Variants in CTNNA3 observed in about 807,000 individuals in gnomAD.
The protein encoded by CTNNA3 is catenin alpha-3.
In CTNNA3, 76 loss-of-function variants were observed where a neutral mutation model predicts 95.7. The observed-to-expected ratio is 0.79, with a 90% CI of 0.66 to 0.96. The LOEUF (loss-of-function observed/expected upper bound fraction) is 0.96. CTNNA3 is among the 40% of genes least tolerant of loss of function. CTNNA3 has a pLI of 0.00. For missense variants in CTNNA3, 1,191 were observed against 1,089.8 expected (o/e 1.09, Z -1.31); for synonymous variants, 431 against 374.4 (o/e 1.15, Z -1.74).
chr10:67,653,293 G>A (rs112697485), intron 1 of CTNNA3, among the ~76,000 whole-genome samples: 2 of 152,132 alleles, frequency 1.3e-5, no homozygotes, highest in African/African-American at 2.4e-5. Flanking sequence ...TGAGAAATCC[G>A]CCCCCAAAGT....
intron 16 of CTNNA3, among the ~76,000 whole-genome samples, chr10:65,976,022 AG>A (rs2078202656): frequency 6.6e-6 from 1 of 152,142 alleles, no homozygotes; most frequent in Non-Finnish European, 1.5e-5. Context: ...TCATGAGGTA[AG>A]TGGAATCATT....
intron 15 of CTNNA3, among the ~76,000 whole-genome samples, chr10:66,021,185 G>A (rs34200291): frequency 0.078 from 11,818 of 152,128 alleles, 586 homozygotes; most frequent in Non-Finnish European, 0.12. Context: ...TGCACACCCC[G>A]AAACATCGAA....
At chr10:67,038,473 G>A (rs1213413798) in intron 7 of CTNNA3, among the ~76,000 whole-genome samples, 1 of 152,048 alleles carries the variant, frequency 6.6e-6, no homozygotes, top group African/African-American at 2.4e-5. Flanking sequence ...AGGCTACTGT[G>A]TGAGCTCAGG....
intron 14 of CTNNA3, among the ~76,000 whole-genome samples, chr10:66,101,118 G>A (rs1467504899): frequency 6.6e-6 from 1 of 152,156 alleles, no homozygotes; most frequent in Non-Finnish European, 1.5e-5. Context: ...GAAAGCAAGA[G>A]CAAAGCTTAC....
intron 17 of CTNNA3, among the ~76,000 whole-genome samples, chr10:65,929,239 T>G (rs186088718): frequency 1.5e-3 from 222 of 151,646 alleles, no homozygotes; most frequent in Non-Finnish European, 1.2e-3. Flanking sequence ...TTTTCCATGG[T>G]GTATATGTGC....
At chr10:67,072,731 C>T (rs1341501981) in intron 7 of CTNNA3, among the ~76,000 whole-genome samples, 1 of 152,130 alleles carries the variant, frequency 6.6e-6, no homozygotes, top group African/African-American at 2.4e-5. Flanking sequence ...CAGAAGTTTT[C>T]AGCTCATTTC....
intron 7 of CTNNA3, among the ~76,000 whole-genome samples, chr10:67,010,772 C>A (rs755868514): frequency 6.6e-6 from 1 of 152,150 alleles, no homozygotes; most frequent in Non-Finnish European, 1.5e-5. Flanking sequence ...ATGCTGAACT[C>A]CTCCACAGAA....
chr10:65,961,058 T>G (rs1296494097), intron 17 of CTNNA3, among the ~76,000 whole-genome samples: 1 of 152,310 alleles, frequency 6.6e-6, no homozygotes, highest in East Asian at 1.9e-4. Flanking sequence ...GTAGTCTTAA[T>G]TTTTCACAGG....
At chr10:65,969,865 A>G (rs1194758188) in intron 16 of CTNNA3, among the ~76,000 whole-genome samples, 3 of 152,158 alleles carry the variant, frequency 2.0e-5, no homozygotes, top group African/African-American at 7.2e-5. Flanking sequence ...ATAAATCAAG[A>G]AAATGTTTCA....
At chr10:66,454,634 T>C (rs1362411953) in intron 11 of CTNNA3, among the ~76,000 whole-genome samples, 1 of 151,852 alleles carries the variant, frequency 6.6e-6, no homozygotes, top group African/African-American at 2.4e-5. Context: ...TGATGTCAAT[T>C]GTTAGTTTCT....
intron 7 of CTNNA3, among the ~76,000 whole-genome samples, chr10:67,017,360 A>G (rs1040176676): frequency 6.6e-6 from 1 of 152,184 alleles, no homozygotes; most frequent in Non-Finnish European, 1.5e-5. Context: ...GCTGTTTCTG[A>G]TTAGAATCTA....
At chr10:66,928,128 C>T (rs572396086) in intron 7 of CTNNA3, 2 of 1,613,940 alleles carry the variant, frequency 1.2e-6, no homozygotes, top group Middle Eastern at 1.6e-4. Context: ...CCACAGAGCC[C>T]GGCCCAGAGA....
At chr10:67,070,582 A>G (rs1425739047) in intron 7 of CTNNA3, among the ~76,000 whole-genome samples, 1 of 151,980 alleles carries the variant, frequency 6.6e-6, no homozygotes, top group Non-Finnish European at 1.5e-5. Flanking sequence ...CCCCATCTCT[A>G]GTAAAATACA....
chr10:67,233,564 G>C (rs1160881386), intron 5 of CTNNA3, among the ~76,000 whole-genome samples: 4 of 140,396 alleles, frequency 2.8e-5, no homozygotes, highest in East Asian at 2.0e-4. Flanking sequence ...AAGCAGGAAA[G>C]ATCCAAAATT....
chr10:67,625,505 C>A (rs1373748658), intron 2 of CTNNA3, among the ~76,000 whole-genome samples: 3 of 152,146 alleles, frequency 2.0e-5, no homozygotes, highest in Non-Finnish European at 2.9e-5. Context: ...ACCTCTGAGA[C>A]TCCATGAAAA....
intron 7 of CTNNA3, among the ~76,000 whole-genome samples, chr10:67,157,827 T>A (rs1861378254): frequency 6.6e-6 from 1 of 152,082 alleles, no homozygotes; most frequent in Admixed American, 6.5e-5. Flanking sequence ...ACCCTGATCA[T>A]CTCTAGGTTC....
intron 9 of CTNNA3, among the ~76,000 whole-genome samples, chr10:66,641,826 A>G (rs1277419280): frequency 6.6e-6 from 1 of 152,110 alleles, no homozygotes; most frequent in Non-Finnish European, 1.5e-5. Flanking sequence ...TTCAAAATGT[A>G]TGCAAAATAT....
At chr10:66,380,621 CTATCTATATA>C (rs1564912711) in intron 11 of CTNNA3, among the ~76,000 whole-genome samples, 1 of 105,762 alleles carries the variant, frequency 9.5e-6, no homozygotes, top group African/African-American at 4.3e-5. Context: ...ATCTATCTAT[CTATCTATATA>C]TATATATATA....
chr10:66,047,976 A>C (rs1402208434), intron 15 of CTNNA3, among the ~76,000 whole-genome samples: 1 of 152,186 alleles, frequency 6.6e-6, no homozygotes, highest in Non-Finnish European at 1.5e-5. Flanking sequence ...AAATCAGAGA[A>C]GACACAACAA....
Sources: gnomAD v4.1 joint callset for allele counts (sites outside exome capture counted in the v4.1 genomes callset) on GRCh38, gnomAD v4.1.1 for gene constraint, MANE v1.5 for transcripts, NCBI Gene and HGNC (gene_info 2026-07-23, HGNC 2026-07-21) for gene names.